Variants in USP24 observed in about 807,000 individuals in gnomAD.
USP24 encodes the protein ubiquitin carboxyl-terminal hydrolase 24.
A neutral mutation model predicts 361.6 loss-of-function variants in USP24; 97 were observed. The observed-to-expected ratio is 0.27, with a 90% CI of 0.23 to 0.32. The LOEUF (loss-of-function observed/expected upper bound fraction) is 0.32, where lower values mean the gene tolerates loss of function less well. USP24 is among the 10% of genes least tolerant of loss of function. The pLI is 1.00. For synonymous variants in USP24, 1,098 were observed against 1,124.6 expected, an observed-to-expected ratio of 0.98 and a Z score of 0.47; for missense variants, 2,353 against 3,165.6, an observed-to-expected ratio of 0.74 and a Z score of 6.16.
At chr1:55,159,406 C>T (rs1648034672) in intron 9 of USP24, among the ~76,000 whole-genome samples, 4 of 152,196 alleles carry the variant, frequency 2.6e-5, no homozygotes, top group Admixed American at 6.5e-5. Flanking sequence ...ACTGAGAACA[C>T]TGTATTAACT....
chr1:55,125,891 C>A lies in USP24; in HGVS notation c.3636-133G>T, dbSNP rs1646415074. ...ATGATTCTGTCATAAAAAGAGCCTA[C>A]ATATATCTATCATAATAATTTCCTA... On this transcript the variant is annotated intron_variant, in intron 32 of 67. Coordinates refer to ENST00000294383, the MANE Select transcript of USP24 (RefSeq NM_015306.3). The A allele has an allele frequency of 4.2e-6, 3 of 714,290 alleles. No individual in the cohort carries two copies. The East Asian group carries it at 8.2e-5, about 20-fold the overall frequency. 44.2% of individuals were successfully genotyped at this position (714,290 alleles called of 1,614,324 possible).
intron 28 of USP24, 130 bp from the exon 29 acceptor site, chr1:55,134,543 C>T (rs747052642): frequency 9.4e-6 from 7 of 743,414 alleles, no homozygotes; most frequent in Non-Finnish European, 1.6e-5. Context: ...GAGGGAAGCA[C>T]AGTGCTCGTC....
chr1:55,106,605 G>A (rs1570417106), intron 40 of USP24, among the ~76,000 whole-genome samples: 1 of 152,160 alleles, frequency 6.6e-6, no homozygotes, highest in African/African-American at 2.4e-5. Flanking sequence ...GGGCATAGGG[G>A]AGTCCACATA....
At chr1:55,070,412 G>C (rs912539122) in intron 67 of USP24, among the ~76,000 whole-genome samples, 1 of 152,166 alleles carries the variant, frequency 6.6e-6, no homozygotes, top group Admixed American at 6.5e-5. Flanking sequence ...AGAAGGGTTT[G>C]AGGAAAACTA....
chr1:55,162,342 T>A, intron 7 of USP24, 78 bp from the exon 8 acceptor site: 1 of 1,308,340 alleles, frequency 7.6e-7, no homozygotes, highest in Non-Finnish European at 1.0e-6. Context: ...TCCCTTTTCA[T>A]GTATCAGAGA....
intron 1 of USP24, among the ~76,000 whole-genome samples, chr1:55,181,351 G>A (rs1452256746): frequency 6.6e-6 from 1 of 152,082 alleles, no homozygotes; most frequent in Non-Finnish European, 1.5e-5. Flanking sequence ...AGAAGGAGGG[G>A]GTGATGAACT....
chr1:55,069,872 C>CAAAA (rs11365818), intron 67 of USP24, among the ~76,000 whole-genome samples: 1 of 35,652 alleles, frequency 2.8e-5, no homozygotes, highest in African/African-American at 1.2e-4. Context: ...CACTCCATCT[C>CAAAA]AAAAAAAAAA....
At chr1:55,076,008 A>G (rs17111573) in intron 62 of USP24, among the ~76,000 whole-genome samples, 5,886 of 152,194 alleles carry the variant, frequency 0.039, 361 homozygotes, top group African/African-American at 0.13. Flanking sequence ...ACAAACAAAT[A>G]TTACACGGCT....
intron 31 of USP24, among the ~76,000 whole-genome samples, chr1:55,131,354 T>C (rs1646586108): frequency 6.6e-6 from 1 of 152,208 alleles, no homozygotes; most frequent in Non-Finnish European, 1.5e-5. Context: ...TGGTACTCCA[T>C]GCTGTTGTTA....
chr1:55,117,062 A>G (rs76997863), intron 38 of USP24, among the ~76,000 whole-genome samples: 3,746 of 152,292 alleles, frequency 0.025, 57 homozygotes, highest in Non-Finnish European at 0.037. Flanking sequence ...ATCTCATATT[A>G]AGGGAAAGAA....
rs780520171 is a variant in USP24 at position 55,086,035 on chromosome 1, A to T, written c.6672T>A (p.Ile2224=). Residue 2224 remains isoleucine, a synonymous_variant, in exon 56 of 68, where the codon ATT becomes ATA. Coordinates refer to ENST00000294383, the MANE Select transcript of USP24 (RefSeq NM_015306.3). The stretch of plus-strand genomic sequence containing the variant: ...CTCTCACATTGCACTCCAGTAAGAA[A>T]ATCCTGAAAGAAAGAGAAAGGTGGT... ...ISSEGRELIK[I]FLLECNVREV... The T allele has an allele frequency of 6.2e-7, 1 of 1,613,908 alleles. No individual in the cohort carries two copies. Among genetic ancestry groups the T allele is most frequent in the East Asian group, 2.2e-5 (1 of 44,878 alleles).
At chr1:55,100,730 G>A in intron 44 of USP24, 109 bp downstream of exon 44, 1 of 1,098,614 alleles carries the variant, frequency 9.1e-7, no homozygotes, top group Non-Finnish European at 1.2e-6. Flanking sequence ...CAGTTTCTTG[G>A]CAAGAGATTA....
intron 60 of USP24, among the ~76,000 whole-genome samples, chr1:55,079,122 G>C (rs1409361045): frequency 6.6e-6 from 1 of 152,118 alleles, no homozygotes; most frequent in Non-Finnish European, 1.5e-5. Flanking sequence ...TTGGATTGAG[G>C]ATGAGCCACA....
chr1:55,122,476 T>G (rs1029039423), intron 36 of USP24, among the ~76,000 whole-genome samples: 4 of 152,114 alleles, frequency 2.6e-5, no homozygotes, highest in African/African-American at 9.7e-5. Flanking sequence ...ACCGGAAGGC[T>G]TTCAAAGAGG....
At chr1:55,195,859 G>A (rs1442940561) in intron 1 of USP24, among the ~76,000 whole-genome samples, 2 of 152,026 alleles carry the variant, frequency 1.3e-5, no homozygotes, top group Non-Finnish European at 1.5e-5. Flanking sequence ...AAAAATTTCT[G>A]GAGATGTTTC....
At chr1:55,115,087 G>GAAC (rs1448843547) in intron 38 of USP24, among the ~76,000 whole-genome samples, 1 of 152,016 alleles carries the variant, frequency 6.6e-6, no homozygotes, top group Non-Finnish European at 1.5e-5. Flanking sequence ...CAAAGGATAT[G>GAAC]AACAGACTTC....
chr1:55,099,735 T>G, intron 45 of USP24, 36 bp downstream of exon 45: 1 of 1,412,556 alleles, frequency 7.1e-7, no homozygotes, highest in African/African-American at 1.4e-5. Context: ...TAATTAGAGT[T>G]TGAGGGAGTT....
chr1:55,079,798 A>G, intron 59 of USP24, 139 bp from the exon 60 acceptor site: 1 of 1,145,660 alleles, frequency 8.7e-7, no homozygotes, highest in East Asian at 2.9e-5. Context: ...CACACTGAGT[A>G]CTCACACACT....
chr1:55,141,409 G>C (rs1392748417), intron 24 of USP24, among the ~76,000 whole-genome samples: 1 of 152,128 alleles, frequency 6.6e-6, no homozygotes, highest in Non-Finnish European at 1.5e-5. Context: ...GGGTGGTCCT[G>C]GTGATGACCT....
Sources: allele counts gnomAD v4.1 joint callset (sites outside exome capture counted in the v4.1 genomes callset), GRCh38; gene constraint gnomAD v4.1.1; transcripts MANE v1.5; gene names NCBI Gene and HGNC (gene_info 2026-07-23, HGNC 2026-07-21).